Variants in FGF14 observed in about 807,000 individuals in gnomAD.
The protein encoded by FGF14 is fibroblast growth factor 14.
Under a neutral mutation model 25.5 loss-of-function variants are expected in FGF14, and 5 were observed. That is an observed-to-expected ratio of 0.20 (90% CI 0.10 to 0.41). FGF14 has a LOEUF of 0.41. Among genes scored for constraint, FGF14 ranks in the 10% least tolerant of loss-of-function variants. The pLI, the probability that FGF14 is intolerant of heterozygous loss-of-function variation, is 1.00. For missense variants in FGF14, 222 were observed against 320.1 expected (o/e 0.69, Z 2.34); for synonymous variants, 138 against 118.3 (o/e 1.17, Z -1.08).
At chr13:102,263,787 A>C (rs1177556256) in intron 1 of FGF14, among the ~76,000 whole-genome samples, 1 of 152,100 alleles carries the variant, frequency 6.6e-6, no homozygotes, top group Non-Finnish European at 1.5e-5. Flanking sequence ...CAGAATAAAC[A>C]CTCTTAGACA....
rs1046978795 is a variant in FGF14, at chr13:101,927,295, C to T, written c.209-51999G>A. Among the ~76,000 whole-genome samples, 18 of 152,274 alleles carry T rather than the reference C, an allele frequency of 1.2e-4. 1 individual carries two copies. Among genetic ancestry groups the T allele is most frequent in the South Asian group, 1.0e-3 (5 of 4,822 alleles). On this transcript the variant is annotated intron_variant, in intron 1 of 4. Transcript: ENST00000376131. ...ATTTGAAAGCACCAAGACATATCAG[C>T]AAATGAATCTCTCCCCGACAGGGAG... is the stretch of plus-strand genomic sequence containing the variant.
At chr13:101,976,307 C>T (rs2037922412) in intron 1 of FGF14, among the ~76,000 whole-genome samples, 1 of 152,092 alleles carries the variant, frequency 6.6e-6, no homozygotes, top group South Asian at 2.1e-4. Context: ...AACAGTTACA[C>T]TTATTAATAA....
At chr13:102,271,633 T>TATGTCCATTTTCCC (rs1475512315) in intron 1 of FGF14, among the ~76,000 whole-genome samples, 1 of 152,224 alleles carries the variant, frequency 6.6e-6, no homozygotes, top group Non-Finnish European at 1.5e-5. Flanking sequence ...TTAATTTTCA[T>TATGTCCATTTTCCC]ATGTCCATTT....
intron 1 of FGF14, among the ~76,000 whole-genome samples, chr13:101,995,125 A>G (rs917621129): frequency 6.6e-5 from 10 of 152,166 alleles, no homozygotes; most frequent in Non-Finnish European, 8.8e-5. Context: ...TCTGTTATCA[A>G]TCGTTATATG....
At chr13:102,034,678 A>G (rs898875090) in intron 1 of FGF14, among the ~76,000 whole-genome samples, 15 of 152,192 alleles carry the variant, frequency 9.9e-5, no homozygotes, top group African/African-American at 3.6e-4. Flanking sequence ...AATTAAAAAC[A>G]GAAAACAATC....
At chr13:102,301,269 A>G (rs1319950672) in intron 1 of FGF14, among the ~76,000 whole-genome samples, 1 of 152,204 alleles carries the variant, frequency 6.6e-6, no homozygotes, top group Non-Finnish European at 1.5e-5. Context: ...AGCATTTTGG[A>G]ATGGAATAGT....
In FGF14 at chr13:102,207,832, C is replaced by T. The variant is rs9585874; in HGVS notation, c.208+193639G>A. Among the ~76,000 whole-genome samples, 462 of 152,212 alleles carry T rather than the reference C, an allele frequency of 3.0e-3. 3 individuals are homozygous for T. Among genetic ancestry groups the T allele is most frequent in the African/African-American group, 0.011 (437 of 41,502 alleles). ...AAAAGGTTAAATGATCTGTTCATAG[C>T]TGCACAGTGAACCAGTGATTTTTCT... On this transcript the variant is annotated intron_variant, in intron 1 of 4. Coordinates refer to the FGF14 transcript ENST00000376131.
chr13:101,823,631 T>C (rs1288251646), intron 3 of FGF14, among the ~76,000 whole-genome samples: 1 of 150,362 alleles, frequency 6.7e-6, no homozygotes, highest in Non-Finnish European at 1.5e-5. Flanking sequence ...GAGACGGGGT[T>C]TCTCCATGTT....
At chr13:101,880,146 G>A (rs977095761) in intron 1 of FGF14, among the ~76,000 whole-genome samples, 1 of 152,096 alleles carries the variant, frequency 6.6e-6, no homozygotes, top group Admixed American at 6.6e-5. Flanking sequence ...CCAACTCACG[G>A]TCCCATTCCA....
chr13:102,341,955 G>A (rs539444668), intron 1 of FGF14, among the ~76,000 whole-genome samples: 13 of 152,166 alleles, frequency 8.5e-5, no homozygotes, highest in Admixed American at 6.5e-4. Flanking sequence ...GAACCTACTT[G>A]ATATGGAGCC....
Position 102,298,209 on chromosome 13 carries a change from C to T in FGF14, c.208+103262G>A, listed in dbSNP as rs369640970. Reference sequence around the variant, plus strand: ...AAATCAAGAAGGATGCTGCACTCAGCTTGCTTATGTTCTTCAAGTTCTGCT... The same window carrying T: ...AAATCAAGAAGGATGCTGCACTCAGTTTGCTTATGTTCTTCAAGTTCTGCT... On this transcript the variant is annotated intron_variant, in intron 1 of 4. Transcript: ENST00000376131. 4.6e-5 allele frequency among the ~76,000 whole-genome samples: 7 copies of T among 152,206 alleles called. No individual in the cohort carries two copies. The East Asian group carries it at 5.8e-4, about 13-fold the overall frequency.
intron 3 of FGF14, among the ~76,000 whole-genome samples, chr13:101,839,579 C>T (rs186513760): frequency 1.3e-5 from 2 of 151,954 alleles, no homozygotes; most frequent in East Asian, 3.9e-4. Context: ...TTATGGAGTA[C>T]AGGAGATGTT....
At chr13:102,004,410 G>A (rs910432421) in intron 1 of FGF14, among the ~76,000 whole-genome samples, 1 of 152,182 alleles carries the variant, frequency 6.6e-6, no homozygotes, top group Admixed American at 6.5e-5. Context: ...GATGGCATAT[G>A]CAAAAGTGTG....
At chr13:102,043,058 G>T (rs1301119496) in intron 1 of FGF14, among the ~76,000 whole-genome samples, 5 of 152,190 alleles carry the variant, frequency 3.3e-5, no homozygotes, top group Non-Finnish European at 4.4e-5. Flanking sequence ...ACAGGGTCAG[G>T]ACCATATTTA....
intron 1 of FGF14, among the ~76,000 whole-genome samples, chr13:102,241,782 C>A (rs1171934308): frequency 6.6e-6 from 1 of 152,036 alleles, no homozygotes; most frequent in African/African-American, 2.4e-5. Context: ...CCACTGGGGA[C>A]AAGGTTTTGC....
At chr13:101,784,479 A>G (rs2039691878) in intron 3 of FGF14, among the ~76,000 whole-genome samples, 1 of 152,130 alleles carries the variant, frequency 6.6e-6, no homozygotes, top group Non-Finnish European at 1.5e-5. Flanking sequence ...ACATTGCTCA[A>G]TTCCAGGAGA....
chr13:101,853,624 A>C (rs971236220), intron 3 of FGF14, among the ~76,000 whole-genome samples: 3 of 151,702 alleles, frequency 2.0e-5, no homozygotes, highest in African/African-American at 7.3e-5. Context: ...AATATTTTAA[A>C]ATTTTATTTT....
chr13:102,223,867 C>T (rs1198765723), intron 1 of FGF14, among the ~76,000 whole-genome samples: 2 of 152,030 alleles, frequency 1.3e-5, no homozygotes, highest in South Asian at 2.1e-4. Context: ...TGTCTCAAAA[C>T]AAAACATCCT....
rs549703877 is a variant in FGF14, at chr13:101,881,504, A to C, written c.194-6208T>G. On this transcript the variant is annotated intron_variant, in intron 1 of 4. Transcript: ENST00000376143. ...TTAAGTTGTAATTACATATTTTCCA[A>C]ATTAAATCCTAAATATCAATTATGT... 3.3e-5 allele frequency among the ~76,000 whole-genome samples: 5 copies of C among 152,310 alleles called. No homozygotes were observed. In the East Asian group the frequency reaches 7.7e-4, roughly 23 times the overall value.
Sources: allele counts gnomAD v4.1 joint callset (sites outside exome capture counted in the v4.1 genomes callset), GRCh38; gene constraint gnomAD v4.1.1; transcripts MANE v1.5; gene names NCBI Gene and HGNC (gene_info 2026-07-23, HGNC 2026-07-21).